The following SLC5A11 variants were observed in gnomAD, a reference collection of about 807,000 sequenced individuals.
SLC5A11 encodes the protein sodium/myo-inositol cotransporter 2.
SLC5A11 carries 48 observed loss-of-function variants against 69.8 expected under a neutral mutation model. That is an observed-to-expected ratio of 0.69 (90% CI 0.55 to 0.87). The LOEUF (loss-of-function observed/expected upper bound fraction) is 0.87, where lower values mean the gene tolerates loss of function less well. Ranked by LOEUF, SLC5A11 falls within the 40% of genes least tolerant of loss-of-function variation. The probability of loss-of-function intolerance (pLI) is 0.00; values close to 1 mark genes in which losing one functional copy is unlikely to be tolerated. For synonymous variants in SLC5A11, 319 were observed against 342.4 expected (o/e 0.93, Z 0.75); for missense variants, 784 against 866.1 (o/e 0.91, Z 1.19).
chr16:24,868,775 C>G (rs2047082536), intron 3 of SLC5A11, among the ~76,000 whole-genome samples: 1 of 151,530 alleles, frequency 6.6e-6, no homozygotes, highest in Non-Finnish European at 1.5e-5. Flanking sequence ...ACAATTCTCT[C>G]TCCTCTCTTC....
At chr16:24,861,498 G>A (rs2059767511) in intron 2 of SLC5A11, among the ~76,000 whole-genome samples, 1 of 146,886 alleles carries the variant, frequency 6.8e-6, no homozygotes, top group Admixed American at 6.9e-5. Context: ...AAGAAAGAGA[G>A]AGAAAGGAAA....
chr16:24,899,192 A>G (rs971304168), intron 10 of SLC5A11, among the ~76,000 whole-genome samples: 1 of 152,126 alleles, frequency 6.6e-6, no homozygotes, highest in Non-Finnish European at 1.5e-5. Context: ...GTTTCTCAAC[A>G]TTGGTTCAAT....
intron 5 of SLC5A11, among the ~76,000 whole-genome samples, chr16:24,873,133 G>A (rs1209671456): frequency 7.3e-6 from 1 of 136,216 alleles, no homozygotes; most frequent in Non-Finnish European, 1.6e-5. Context: ...GTGGGACTCC[G>A]TCAGAAGGAA....
chr16:24,906,921 C>T, intron 11 of SLC5A11, 104 bp from the exon 13 acceptor site: 1 of 1,501,550 alleles, frequency 6.7e-7, no homozygotes, highest in Non-Finnish European at 9.0e-7. Context: ...GGAAGCTCTG[C>T]CCCGCCGTCC....
chr16:24,862,659 T>C, exon 3 of SLC5A11: 1 of 1,613,318 alleles, frequency 6.2e-7, no homozygotes, highest in African/African-American at 1.3e-5. Flanking sequence ...GGAGGGGACA[T>C]GGTGTGGTGG....
chr16:24,908,323 C>T (rs1402390445), intron 13 of SLC5A11, among the ~76,000 whole-genome samples, 192 bp downstream of exon 14: 1 of 151,990 alleles, frequency 6.6e-6, no homozygotes, highest in African/African-American at 2.4e-5. Context: ...GAGAGGGCTG[C>T]TGCGATGGCT....
intron 10 of SLC5A11, 115 bp from the exon 12 acceptor site, chr16:24,906,542 T>A (rs950400167): frequency 1.8e-6 from 1 of 541,108 alleles, no homozygotes; most frequent in Non-Finnish European, 3.2e-6. Context: ...GACTCTTTTT[T>A]ATTTCATTGA....
intron 8 of SLC5A11, among the ~76,000 whole-genome samples, chr16:24,888,236 A>G (rs953957536): frequency 6.6e-6 from 1 of 152,166 alleles, no homozygotes; most frequent in African/African-American, 2.4e-5. Flanking sequence ...AAATTTTTAA[A>G]AAATCTAGTT....
chr16:24,898,425 G>A (rs531604279), intron 10 of SLC5A11, among the ~76,000 whole-genome samples: 24 of 151,820 alleles, frequency 1.6e-4, no homozygotes, highest in Non-Finnish European at 3.4e-4. Context: ...GCTCAGGCTG[G>A]TCTTGAACTC....
chr16:24,858,511 T>A, intron 1 of SLC5A11, 109 bp from the exon 3 acceptor site: 1 of 872,570 alleles, frequency 1.1e-6, no homozygotes, highest in Non-Finnish European at 1.7e-6. Context: ...CCACCACACA[T>A]CCCTCCACAT....
chr16:24,891,081 G>A lies in SLC5A11; in HGVS notation c.870+7G>A. On this transcript the variant is annotated splice_region_variant and intron_variant, in intron 9 of 15. Coordinates refer to ENST00000347898, the Ensembl canonical transcript of SLC5A11. ...GTACTGGTGCACGGATCAGGTACAGGACAGTGGCCTGAGCAAGTTTTTCCT... is the reference window on the plus strand; with the variant it reads ...GTACTGGTGCACGGATCAGGTACAGAACAGTGGCCTGAGCAAGTTTTTCCT... 1 of 1,609,446 alleles carries A rather than the reference G, an allele frequency of 6.2e-7. No individual in the cohort carries two copies. Among genetic ancestry groups the A allele is most frequent in the Non-Finnish European group, 8.5e-7 (1 of 1,176,376 alleles).
chr16:24,862,973 A>G (rs1443777135), intron 3 of SLC5A11, among the ~76,000 whole-genome samples: 2 of 135,396 alleles, frequency 1.5e-5, no homozygotes, highest in African/African-American at 5.8e-5. Flanking sequence ...ATTATATAAT[A>G]TATAATTATA....
At chr16:24,900,033 A>C (rs1386299784) in intron 10 of SLC5A11, among the ~76,000 whole-genome samples, 1 of 152,034 alleles carries the variant, frequency 6.6e-6, no homozygotes, top group African/African-American at 2.4e-5. Context: ...ATCTCATGGG[A>C]TATCGAGGCC....
intron 14 of SLC5A11, among the ~76,000 whole-genome samples, chr16:24,909,405 T>A (rs533374386): frequency 6.6e-6 from 1 of 152,070 alleles, no homozygotes; most frequent in Admixed American, 6.6e-5. Context: ...TTCGGGAAGC[T>A]GAGATGGGAG....
At chr16:24,905,001 T>C (rs56151910) in intron 10 of SLC5A11, among the ~76,000 whole-genome samples, 17,790 of 151,914 alleles carry the variant, frequency 0.12, 1,320 homozygotes, top group Admixed American at 0.23. Flanking sequence ...CATGTGTTCT[T>C]ATTGTTCAAC....
At chr16:24,854,973 GTT>G (rs2059464174) in intron 1 of SLC5A11, among the ~76,000 whole-genome samples, 1 of 149,350 alleles carries the variant, frequency 6.7e-6, no homozygotes, top group Non-Finnish European at 1.5e-5. Flanking sequence ...GTGTGTGTGT[GTT>G]TGTTTGTTTG....
intron 13 of SLC5A11, 32 bp from the exon 15 acceptor site, chr16:24,908,849 G>C (rs116802087): frequency 3.1e-6 from 5 of 1,603,002 alleles, no homozygotes; most frequent in Admixed American, 3.4e-5. Context: ...AGCCCTTGGC[G>C]TCTCTAAGAT....
intron 5 of SLC5A11, among the ~76,000 whole-genome samples, chr16:24,872,858 T>A (rs1287283601): frequency 6.9e-6 from 1 of 144,600 alleles, no homozygotes; most frequent in Non-Finnish European, 1.5e-5. Context: ...AAAATAAAAA[T>A]AAAAGTATAT....
intron 15 of SLC5A11, 100 bp from the exon 17 acceptor site, chr16:24,911,228 G>A: frequency 2.8e-6 from 3 of 1,058,326 alleles, no homozygotes; most frequent in Non-Finnish European, 4.3e-6. Context: ...GTTCACGCCT[G>A]TAATCCCAGC....
Sources: gnomAD v4.1 joint callset for allele counts (sites outside exome capture counted in the v4.1 genomes callset) on GRCh38, gnomAD v4.1.1 for gene constraint, MANE v1.5 for transcripts, NCBI Gene and HGNC (gene_info 2026-07-23, HGNC 2026-07-21) for gene names.